ABCG1: variants seen among roughly 807,000 people sequenced by gnomAD.
The protein encoded by ABCG1 is ATP-binding cassette sub-family G member 1.
ABCG1 carries 29 observed loss-of-function variants against 69.2 expected under a neutral mutation model. The observed-to-expected ratio is 0.42, with a 90% CI of 0.31 to 0.57. The LOEUF is 0.57. ABCG1 is among the 20% of genes least tolerant of loss of function. The pLI, the probability that ABCG1 is intolerant of heterozygous loss-of-function variation, is 0.15. For missense variants in ABCG1, 718 were observed against 898.1 expected (o/e 0.80, Z 2.56); for synonymous variants, 370 against 374.8 (o/e 0.99, Z 0.15).
chr21:42,278,887 A>AC (rs1052639125), intron 5 of ABCG1, among the ~76,000 whole-genome samples: 7 of 151,648 alleles, frequency 4.6e-5, no homozygotes, highest in Admixed American at 3.3e-4. Flanking sequence ...CAGTTTTGCC[A>AC]CCCCCCAGTC....
At chr21:42,240,982 G>C (rs1184529455) in intron 2 of ABCG1, among the ~76,000 whole-genome samples, 1 of 152,270 alleles carries the variant, frequency 6.6e-6, no homozygotes, top group African/African-American at 2.4e-5. Context: ...GGGGAGTTAG[G>C]AGGGAATTCA....
intron 2 of ABCG1, among the ~76,000 whole-genome samples, chr21:42,265,352 A>G (rs2068484822): frequency 2.0e-5 from 3 of 152,210 alleles, no homozygotes; most frequent in Non-Finnish European, 4.4e-5. Context: ...CCTTACTTGA[A>G]ACAGAGTCAC....
intron 2 of ABCG1, among the ~76,000 whole-genome samples, chr21:42,240,960 G>A (rs192415116): frequency 2.6e-5 from 4 of 152,392 alleles, no homozygotes; most frequent in East Asian, 1.9e-4. Context: ...CCAGGGGACC[G>A]AGGGCACAGG....
At chr21:42,217,045 C>T (rs1016693162), upstream of ABCG1, among the ~76,000 whole-genome samples, 1 of 152,310 alleles carries the variant, frequency 6.6e-6, no homozygotes, top group Non-Finnish European at 1.5e-5. Flanking sequence ...ACTTCATCCT[C>T]ACGCTCCACA....
chr21:42,268,362 G>GGTGTGTGTGTGTGTGTGTGTGTGTGT (rs1555957893), intron 2 of ABCG1, among the ~76,000 whole-genome samples: 1 of 147,604 alleles, frequency 6.8e-6, no homozygotes, highest in African/African-American at 2.5e-5. Context: ...TAGAGGTAGG[G>GGTGTGTGTGTGTGTGTGTGTGTGTGT]GTGTGTGTGT....
chr21:42,241,445 A>T (rs976498239), intron 2 of ABCG1, among the ~76,000 whole-genome samples: 15 of 152,024 alleles, frequency 9.9e-5, no homozygotes, highest in African/African-American at 3.6e-4. Context: ...TCTCTACTAA[A>T]AATACAAAAA....
chr21:42,294,805 T>C (rs1258814114), intron 14 of ABCG1, 145 bp downstream of exon 14: 2 of 697,510 alleles, frequency 2.9e-6, no homozygotes, highest in Non-Finnish European at 5.1e-6. Context: ...CCTTCCATCT[T>C]CCTGCTAGTT....
At chr21:42,247,576 T>A (rs2068152197) in intron 2 of ABCG1, among the ~76,000 whole-genome samples, 1 of 152,178 alleles carries the variant, frequency 6.6e-6, no homozygotes, top group Non-Finnish European at 1.5e-5. Context: ...GACTGGTGAC[T>A]ATGGTGTAGT....
intron 1 of ABCG1, among the ~76,000 whole-genome samples, chr21:42,224,944 C>CTT (rs545354317): frequency 1.3e-4 from 19 of 144,514 alleles, no homozygotes; most frequent in African/African-American, 4.3e-4. Flanking sequence ...GAACACCTAT[C>CTT]TTTTTTTTTT....
At position 42,219,433 on chromosome 21, in the gene ABCG1, C is replaced by A. The variant is rs1037703901; in HGVS notation, c.42+129C>A. ...GCGTCCTCTGGGCGCTGACCCAGGG[C>A]ACCCTAGAGTGGCGCCCGGCTCCGA... On this transcript the variant is annotated intron_variant, in intron 1 of 14. Transcript: ENST00000398449. The surrounding 1 kb of genome is among the most constrained non-coding windows in gnomAD (Gnocchi z 5.3). 26 of 1,339,214 alleles carry A rather than the reference C, an allele frequency of 1.9e-5. No individual in the cohort carries two copies. Among genetic ancestry groups the A allele is most frequent in the Non-Finnish European group, 6.9e-6 (7 of 1,008,752 alleles). 83.0% of individuals were successfully genotyped at this position (1,339,214 alleles called of 1,614,324 possible).
intron 6 of ABCG1, among the ~76,000 whole-genome samples, chr21:42,284,321 G>A (rs909604948): frequency 2.0e-5 from 3 of 151,822 alleles, no homozygotes; most frequent in Middle Eastern, 3.4e-3. Flanking sequence ...AGCAAGGCTC[G>A]CTGGGGTCCC....
At chr21:42,248,207 A>G (rs2068162055) in intron 2 of ABCG1, among the ~76,000 whole-genome samples, 1 of 152,206 alleles carries the variant, frequency 6.6e-6, no homozygotes. Flanking sequence ...CTCCGTCGTC[A>G]TCTGATTTAT....
At chr21:42,227,382 G>A (rs780162988) in intron 2 of ABCG1, among the ~76,000 whole-genome samples, 9 of 152,178 alleles carry the variant, frequency 5.9e-5, no homozygotes, top group Non-Finnish European at 1.0e-4. Context: ...CCAGGACACC[G>A]CGTCATGTTT....
At chr21:42,200,516 G>A (rs1601323931) in intron 1 of ABCG1, among the ~76,000 whole-genome samples, 1 of 151,900 alleles carries the variant, frequency 6.6e-6, no homozygotes, top group African/African-American at 2.4e-5. Flanking sequence ...TGGTTTCACA[G>A]AAGACAATTT....
Position 42,291,669 on chromosome 21 carries a change from G to A in ABCG1, c.1653+13G>A, listed in dbSNP as rs745350412. Reference sequence around the variant, plus strand: ...CACGTCCCTGCAGGTGCCAGCCCAGGAGGCGCTAAGTGAGGGCATGACGGC... The same window carrying A: ...CACGTCCCTGCAGGTGCCAGCCCAGAAGGCGCTAAGTGAGGGCATGACGGC... On this transcript the variant is annotated intron_variant, in intron 13 of 14. Coordinates refer to ENST00000398449, the MANE Select transcript of ABCG1 (RefSeq NM_016818.3). The surrounding 1 kb of genome is among the most constrained non-coding windows in gnomAD (Gnocchi z 6.4). The A allele has an allele frequency of 6.3e-7, 1 of 1,591,908 alleles. No homozygotes were observed. The highest frequency in any genetic ancestry group is 1.1e-5 in the South Asian group (1 of 89,906).
chr21:42,287,134 C>T lies in ABCG1; in HGVS notation c.974-755C>T, dbSNP rs921814428. ...TACTGGAGTGGGAGGCAAGGCATCG[C>T]ACAGGGAGGACACAGAGGCAGGAGA... is the stretch of plus-strand genomic sequence containing the variant. On this transcript the variant is annotated intron_variant, in intron 8 of 14. Transcript: ENST00000398449. The surrounding 1 kb of genome is among the most constrained non-coding windows in gnomAD (Gnocchi z 6.2). Among the ~76,000 whole-genome samples, 4 of 152,038 alleles carry T rather than the reference C, an allele frequency of 2.6e-5. No homozygotes were observed. Among genetic ancestry groups the T allele is most frequent in the African/African-American group, 9.7e-5 (4 of 41,384 alleles).
intron 5 of ABCG1, among the ~76,000 whole-genome samples, chr21:42,278,789 C>G (rs537551554): frequency 2.0e-5 from 3 of 152,102 alleles, no homozygotes; most frequent in Non-Finnish European, 4.4e-5. Flanking sequence ...TGAGTCTCGG[C>G]GAAGTCTCCC....
At chr21:42,259,957 T>C (rs946857318) in intron 2 of ABCG1, 3 of 1,489,468 alleles carry the variant, frequency 2.0e-6, no homozygotes, top group Non-Finnish European at 2.7e-6. Context: ...TGGTGTTGGC[T>C]TGCTCTTCCC....
intron 2 of ABCG1, among the ~76,000 whole-genome samples, chr21:42,270,647 T>A (rs1209052089): frequency 6.6e-6 from 1 of 152,216 alleles, no homozygotes. Context: ...AACAGACACA[T>A]GCATGGCATC....
Sources: allele counts gnomAD v4.1 joint callset (sites outside exome capture counted in the v4.1 genomes callset), GRCh38; gene constraint gnomAD v4.1.1; non-coding constraint Gnocchi (gnomAD v3.1); transcripts MANE v1.5; gene names NCBI Gene and HGNC (gene_info 2026-07-23, HGNC 2026-07-21).